The following DYM variants were observed in gnomAD, a reference collection of about 807,000 sequenced individuals.
DYM encodes the protein dyggve-Melchior-Clausen syndrome protein.
Under a neutral mutation model 93.1 loss-of-function variants are expected in DYM, and 78 were observed. The observed-to-expected ratio is 0.84, with a 90% CI of 0.70 to 1.01. The LOEUF is 1.01. Ranked by LOEUF, DYM falls within the 50% of genes least tolerant of loss-of-function variation. The pLI is 0.00. For synonymous variants in DYM, 321 were observed against 319.7 expected (o/e 1.00, Z -0.04); for missense variants, 789 against 845.0 (o/e 0.93, Z 0.82).
chr18:49,446,400 C>G (rs2082095638), intron 1 of DYM, among the ~76,000 whole-genome samples: 1 of 152,020 alleles, frequency 6.6e-6, no homozygotes, highest in Non-Finnish European at 1.5e-5. Context: ...TAACAATATA[C>G]AAGTATTACT....
intron 16 of DYM, among the ~76,000 whole-genome samples, chr18:49,103,672 C>G (rs987388503): frequency 1.3e-5 from 2 of 152,124 alleles, no homozygotes; most frequent in East Asian, 1.9e-4. Flanking sequence ...ATAGGGAATC[C>G]TTTCCCCATT....
rs535854419 is a variant in DYM, at chr18:49,104,944, C to T, written c.1912-7429G>A. Among the ~76,000 whole-genome samples the T allele has an allele frequency of 1.6e-4, 24 of 152,294 alleles. No individual in the cohort carries two copies. In the South Asian group the frequency reaches 4.8e-3, roughly 30 times the overall value. On this transcript the variant is annotated intron_variant, in intron 16 of 17. Coordinates refer to ENST00000675505, the MANE Select transcript of DYM (RefSeq NM_001353214.3). ...CTCATAAAATGAGTTAGGGAGGATT[C>T]CCTCTTTTTCTATTGATTGGAATAG...
In DYM at chr18:49,273,907, A is replaced by G. The variant is rs771293042; in HGVS notation, c.1126-1604T>C. On this transcript the variant is annotated intron_variant, in intron 10 of 17. Transcript: ENST00000675505. ...AGTACTGAAAATATTGACAAGACAC[A>G]CAAGCAAATGGTATATTCAAAGAAA... Among the ~76,000 whole-genome samples, 80 of 151,890 alleles carry G rather than the reference A, an allele frequency of 5.3e-4. 2 individuals are homozygous for G. Among genetic ancestry groups the G allele is most frequent in the Non-Finnish European group, 1.0e-4 (7 of 67,948 alleles).
chr18:49,112,114 C>CCTCCTCTCCGCACCCCG (rs1481685776), intron 16 of DYM, among the ~76,000 whole-genome samples: 2 of 42,744 alleles, frequency 4.7e-5, no homozygotes, highest in Non-Finnish European at 1.9e-4. Flanking sequence ...TCTGCACCCG[C>CCTCCTCTCCGCACCCCG]CTCCTCTCCG....
intron 3 of DYM, among the ~76,000 whole-genome samples, chr18:49,391,134 G>C (rs565072876): frequency 1.3e-5 from 2 of 152,040 alleles, no homozygotes; most frequent in African/African-American, 2.4e-5. Flanking sequence ...ATCTATATGA[G>C]GAAATTAAGG....
At chr18:49,213,544 G>A (rs888497743) in intron 13 of DYM, among the ~76,000 whole-genome samples, 1 of 152,102 alleles carries the variant, frequency 6.6e-6, no homozygotes, top group African/African-American at 2.4e-5. Context: ...TTGAAATCCT[G>A]ACCTCAGGCA....
intron 2 of DYM, among the ~76,000 whole-genome samples, chr18:49,410,593 G>A (rs1182834716): frequency 1.3e-5 from 2 of 151,010 alleles, no homozygotes; most frequent in South Asian, 4.2e-4. Context: ...ATTGGGGGCT[G>A]TTTGTCTAAA....
chr18:49,222,598 A>G (rs2093403546), intron 13 of DYM, among the ~76,000 whole-genome samples: 1 of 152,172 alleles, frequency 6.6e-6, no homozygotes, highest in Admixed American at 6.6e-5. Flanking sequence ...GCGACTGATC[A>G]AAAACATACA....
chr18:49,087,556 T>G (rs357885), intron 17 of DYM, among the ~76,000 whole-genome samples: 102,971 of 152,116 alleles, frequency 0.68, 38,193 homozygotes, highest in Non-Finnish European at 0.83. Context: ...AGCCATTGTA[T>G]GTTTACTGCA....
chr18:49,263,111 A>G (rs1200279548), intron 11 of DYM, among the ~76,000 whole-genome samples: 1 of 151,884 alleles, frequency 6.6e-6, no homozygotes, highest in Admixed American at 6.6e-5. Context: ...TTGCCAAATC[A>G]TTGAATATCT....
At chr18:49,242,476 T>G (rs2094040695) in intron 13 of DYM, among the ~76,000 whole-genome samples, 1 of 152,176 alleles carries the variant, frequency 6.6e-6, no homozygotes, top group Non-Finnish European at 1.5e-5. Flanking sequence ...CTTATAACTG[T>G]AATATACATT....
At chr18:49,259,117 G>C (rs750702880) in intron 11 of DYM, among the ~76,000 whole-genome samples, 2 of 152,132 alleles carry the variant, frequency 1.3e-5, no homozygotes, top group African/African-American at 2.4e-5. Flanking sequence ...ACCTATGCAT[G>C]AAAAAGGAAG....
chr18:49,324,696 C>T (rs1351138189), intron 8 of DYM, among the ~76,000 whole-genome samples: 3 of 152,064 alleles, frequency 2.0e-5, no homozygotes, highest in Admixed American at 1.3e-4. Flanking sequence ...ATAAATTTGT[C>T]CAGGATTTTC....
At chr18:49,444,644 A>G (rs1002773916) in intron 1 of DYM, among the ~76,000 whole-genome samples, 2 of 152,168 alleles carry the variant, frequency 1.3e-5, no homozygotes, top group East Asian at 1.9e-4. Flanking sequence ...TCATACCTCA[A>G]TGCAAGTAGA....
chr18:49,260,148 T>C (rs912125110), intron 11 of DYM, among the ~76,000 whole-genome samples: 3 of 152,224 alleles, frequency 2.0e-5, no homozygotes, highest in Non-Finnish European at 4.4e-5. Flanking sequence ...GGCTGATGTC[T>C]GTATTCCCAG....
At chr18:49,437,378 T>A (rs1421371259) in intron 1 of DYM, among the ~76,000 whole-genome samples, 1 of 152,226 alleles carries the variant, frequency 6.6e-6, no homozygotes, top group African/African-American at 2.4e-5. Context: ...TACAATTGTG[T>A]AACATTCCAT....
chr18:49,138,142 A>T (rs948830572), intron 15 of DYM, among the ~76,000 whole-genome samples: 1 of 152,186 alleles, frequency 6.6e-6, no homozygotes, highest in African/African-American at 2.4e-5. Context: ...CCGTGCCATG[A>T]TCTGAACTAA....
chr18:49,283,907 T>G (rs1677759725), intron 9 of DYM, among the ~76,000 whole-genome samples: 1 of 152,164 alleles, frequency 6.6e-6, no homozygotes, highest in African/African-American at 2.4e-5. Context: ...CCTTCCACAT[T>G]TGAAATATAG....
At chr18:49,392,285 A>C (rs1005847277) in intron 2 of DYM, among the ~76,000 whole-genome samples, 2 of 152,170 alleles carry the variant, frequency 1.3e-5, no homozygotes, top group Non-Finnish European at 2.9e-5. Context: ...ATTGCATTTG[A>C]CAACAATTTC....
Sources: gnomAD v4.1 joint callset for allele counts (sites outside exome capture counted in the v4.1 genomes callset) on GRCh38, gnomAD v4.1.1 for gene constraint, MANE v1.5 for transcripts, NCBI Gene and HGNC (gene_info 2026-07-23, HGNC 2026-07-21) for gene names.